GCNA: variants seen among roughly 807,000 people sequenced by gnomAD.
GCNA encodes the protein germ cell nuclear acidic protein.
Under a neutral mutation model 38.8 loss-of-function variants are expected in GCNA, and 3 were observed. The observed-to-expected ratio is 0.08, with a 90% CI of 0.04 to 0.20. GCNA has a LOEUF of 0.20. GCNA is among the 10% of genes least tolerant of loss of function. GCNA has a pLI of 1.00. For missense variants in GCNA, 446 were observed against 578.6 expected, an observed-to-expected ratio of 0.77 and a Z score of 2.35; for synonymous variants, 195 against 240.2, an observed-to-expected ratio of 0.81 and a Z score of 1.74.
intron 11 of GCNA, among the ~76,000 whole-genome samples, chrX:71,611,112 A>G (rs1415250300): frequency 8.9e-6 from 1 of 111,842 alleles, no homozygotes; most frequent in Non-Finnish European, 1.9e-5. Context: ...TTTCTAGCCA[A>G]TCACCAAATC....
In GCNA at chrX:71,609,003, C is replaced by T. The variant is rs1322478165; in HGVS notation, c.1497C>T (p.Phe499=). 2 of 1,209,966 alleles carry T rather than the reference C, an allele frequency of 1.7e-6. No individual in the cohort carries two copies. Among genetic ancestry groups the T allele is most frequent in the South Asian group, 1.8e-5 (1 of 56,794 alleles). ...RTPKCKVPGC[F]LQDLEKSKKY... ...CTAAATGCAAAGTCCCTGGATGTTT[C>T]TTGCAAGACCTTGAAAAGTCAAAGA... is the stretch of plus-strand genomic sequence containing the variant. The change falls in exon 10 of 13, where the codon TTC becomes TTT. Residue 499 remains phenylalanine, a synonymous_variant. Coordinates refer to ENST00000373696, the MANE Select transcript of GCNA (RefSeq NM_052957.5).
chrX:71,601,545 G>T (rs946247788), intron 7 of GCNA, among the ~76,000 whole-genome samples: 37 of 107,452 alleles, frequency 3.4e-4, no homozygotes, highest in South Asian at 2.1e-3. Context: ...GTTTTTTTTT[G>T]TTTTGTTTTG....
intron 2 of GCNA, among the ~76,000 whole-genome samples, chrX:71,591,289 CTG>C (rs35595906): frequency 2.7e-5 from 3 of 111,055 alleles, no homozygotes; most frequent in South Asian, 3.9e-4. Context: ...GCATAACTCT[CTG>C]GTAAGTGATA....
At position 71,604,016 on chromosome X, in the gene GCNA, G is replaced by C; in HGVS notation, c.739G>C (p.Asp247His). 1 of 1,208,923 alleles carries C rather than the reference G, an allele frequency of 8.3e-7. No homozygotes were observed. The highest frequency in any genetic ancestry group is 1.1e-6 in the Non-Finnish European group (1 of 894,676). Reference sequence around the variant, plus strand: ...CAGTGATGATTCGGAAGCTCCCGACGACAGCAGTGATGATTCGGAAGCTCC... The same window carrying C: ...CAGTGATGATTCGGAAGCTCCCGACCACAGCAGTGATGATTCGGAAGCTCC... ...DSSDDSEAPD[D>H]SSDDSEAPDD... is the part of the protein sequence containing the mutation. Residue 247 changes from aspartate (D) to histidine (H), a missense_variant, in exon 8 of 13, where the codon GAC becomes CAC. Coordinates refer to ENST00000373696, the MANE Select transcript of GCNA (RefSeq NM_052957.5).
chrX:71,604,252 C>T lies in GCNA; in HGVS notation c.975C>T (p.Pro325=), dbSNP rs145146238. ...ACAAGAGTGATGATTCGGATGTTCC[C>T]GATGACAATAGTGATGATTTGGAAG... is the stretch of plus-strand genomic sequence containing the variant. ...PEDKSDDSDV[P]DDNSDDLEVP... The change falls in exon 8 of 13, where the codon CCC becomes CCT. Residue 325 remains proline, a synonymous_variant. Transcript: ENST00000373696. 512 of 1,211,298 alleles carry T rather than the reference C, an allele frequency of 4.2e-4. 3 individuals carry two copies. The African/African-American group carries it at 6.7e-3, about 16-fold the overall frequency.
intron 7 of GCNA, 98 bp downstream of exon 7, chrX:71,598,136 A>AT (rs2040686151): frequency 1.6e-6 from 1 of 608,754 alleles, no homozygotes; most frequent in Non-Finnish European, 2.6e-6. Flanking sequence ...TCTATTCAGA[A>AT]TCCCTCAGTA....
At chrX:71,582,270 CAAAAAAA>C (rs779423868) in intron 2 of GCNA, among the ~76,000 whole-genome samples, 2 of 65,219 alleles carry the variant, frequency 3.1e-5, no homozygotes, top group Non-Finnish European at 6.2e-5. Context: ...ACCCTCTCTC[CAAAAAAA>C]AAAAAAAAAA....
At chrX:71,593,074 A>G (rs1434750371) in intron 4 of GCNA, among the ~76,000 whole-genome samples, 2 of 110,674 alleles carry the variant, frequency 1.8e-5, no homozygotes, top group Non-Finnish European at 3.8e-5. Flanking sequence ...TTGTATTTTT[A>G]GTAGAGATGG....
intron 11 of GCNA, 75 bp downstream of exon 11, chrX:71,610,894 C>T: frequency 8.6e-7 from 1 of 1,167,127 alleles, no homozygotes. Context: ...TTACTCCTAG[C>T]TGGTAGCCTG....
intron 2 of GCNA, among the ~76,000 whole-genome samples, chrX:71,591,644 T>G (rs1602172342): frequency 9.6e-6 from 1 of 104,534 alleles, no homozygotes; most frequent in East Asian, 3.0e-4. Context: ...TATTTTTTAT[T>G]TTACTTTTTT....
chrX:71,592,939 G>C (rs752770853), intron 4 of GCNA, among the ~76,000 whole-genome samples: 2 of 111,798 alleles, frequency 1.8e-5, no homozygotes, highest in South Asian at 7.5e-4. Context: ...GTCTTGCTCT[G>C]TTGGAATGCA....
chrX:71,603,540 G>A (rs1013180056), intron 7 of GCNA, 48 bp from the exon 8 acceptor site: 1 of 1,168,990 alleles, frequency 8.6e-7, no homozygotes, highest in African/African-American at 1.8e-5. Context: ...TATAAAGGAG[G>A]TGGTAGAGGG....
intron 4 of GCNA, among the ~76,000 whole-genome samples, chrX:71,593,593 G>A (rs1366184450): frequency 3.8e-5 from 4 of 105,285 alleles, no homozygotes; most frequent in Non-Finnish European, 7.8e-5. Flanking sequence ...GAAGCAAGAG[G>A]CCCCAGCATC....
intron 8 of GCNA, among the ~76,000 whole-genome samples, chrX:71,605,010 T>C (rs1602182667): frequency 8.9e-6 from 1 of 112,183 alleles, no homozygotes; most frequent in East Asian, 2.8e-4. Flanking sequence ...TCCTGTCTCC[T>C]GGGTTACCAA....
chrX:71,586,640 G>A (rs752991314), intron 2 of GCNA, among the ~76,000 whole-genome samples: 2 of 110,211 alleles, frequency 1.8e-5, no homozygotes, highest in African/African-American at 6.6e-5. Flanking sequence ...ACAGAGTTTC[G>A]CTCTTGTTGC....
chrX:71,602,129 G>A (rs2040720436), intron 7 of GCNA, among the ~76,000 whole-genome samples: 1 of 111,968 alleles, frequency 8.9e-6, no homozygotes, highest in Non-Finnish European at 1.9e-5. Context: ...ATTATTGCCT[G>A]TCTTTTGGCT....
At chrX:71,602,067 C>T (rs1278729122) in intron 7 of GCNA, among the ~76,000 whole-genome samples, 1 of 112,371 alleles carries the variant, frequency 8.9e-6, no homozygotes, top group East Asian at 2.8e-4. Flanking sequence ...AATTTACATT[C>T]CTACCAGCAA....
chrX:71,601,141 C>G (rs1047967585), intron 7 of GCNA, among the ~76,000 whole-genome samples: 2 of 111,478 alleles, frequency 1.8e-5, no homozygotes, highest in African/African-American at 6.5e-5. Flanking sequence ...GTCAAGAGAT[C>G]GAGACCATCT....
Position 71,603,834 on chromosome X carries a change from C to T in GCNA, c.557C>T (p.Ser186Leu), listed in dbSNP as rs776545029. 5 of 1,207,719 alleles carry T rather than the reference C, an allele frequency of 4.1e-6. No homozygotes were observed. The highest frequency in any genetic ancestry group is 5.6e-6 in the Non-Finnish European group (5 of 894,525). Residue 186 changes from serine (S) to leucine (L), a missense_variant, in exon 8 of 13, where the codon TCG becomes TTG. Ser to Leu is a moderately radical substitution (Grantham distance 145). Transcript: ENST00000373696. The stretch of plus-strand genomic sequence containing the variant: ...GCTCCCGACGACAATAGTGATGATT[C>T]GGATGTTCCCGACGACAACAGTGAT... ...SEAPDDNSDD[S>L]DVPDDNSDDS...
Sources: gnomAD v4.1 joint callset for allele counts (sites outside exome capture counted in the v4.1 genomes callset) on GRCh38, gnomAD v4.1.1 for gene constraint, MANE v1.5 for transcripts, NCBI Gene and HGNC (gene_info 2026-07-23, HGNC 2026-07-21) for gene names.